The following FAAH2 variants were observed in gnomAD, a reference collection of about 807,000 sequenced individuals.
The protein encoded by FAAH2 is fatty-acid amide hydrolase 2.
In FAAH2, 60 loss-of-function variants were observed where a neutral mutation model predicts 36.9. That is an observed-to-expected ratio of 1.63 (90% CI 1.32 to 2.02). FAAH2 has a LOEUF of 2.02. Ranked by LOEUF, FAAH2 falls within the 30% of genes most tolerant of loss-of-function variation. FAAH2 has a pLI of 0.00. For synonymous variants in FAAH2, 214 were observed against 143.8 expected, an observed-to-expected ratio of 1.49 and a Z score of -3.49; for missense variants, 689 against 397.5, an observed-to-expected ratio of 1.73 and a Z score of -6.23.
At chrX:57,135,915 A>T in the FAAH2 span, 1 of 1,210,102 alleles carries the variant, frequency 8.3e-7, no homozygotes, top group Non-Finnish European at 1.1e-6. Context: ...TTGGTGAATG[A>T]CCATGCCGAT....
the FAAH2 span, among the ~76,000 whole-genome samples, chrX:57,187,675 C>A: frequency 9.0e-6 from 1 of 111,123 alleles, no homozygotes; most frequent in South Asian, 3.8e-4. Flanking sequence ...CAGGTTTTGT[C>A]CCTTCAGTGT....
intron 7 of FAAH2, among the ~76,000 whole-genome samples, chrX:57,421,462 G>A (rs2056024640): frequency 9.0e-6 from 1 of 111,654 alleles, no homozygotes; most frequent in South Asian, 3.8e-4. Context: ...CATAGTTTTA[G>A]AGGGTAGGAA....
intron 5 of FAAH2, among the ~76,000 whole-genome samples, chrX:57,367,233 G>A (rs2054440526): frequency 8.9e-6 from 1 of 112,280 alleles, no homozygotes; most frequent in Admixed American, 9.4e-5. Flanking sequence ...GTTAACTTAG[G>A]ATCTGTCAGA....
chrX:57,292,846 C>A lies in FAAH2; in HGVS notation c.275+266C>A, dbSNP rs904704935. ...GTTTTTGCATATCCAACATCCAGAA[C>A]AAGGTCTACAGTTTGGTAGGCATCA... On this transcript the variant is annotated intron_variant, in intron 2 of 10. Coordinates refer to ENST00000374900, the MANE Select transcript of FAAH2 (RefSeq NM_174912.4). Among the ~76,000 whole-genome samples the A allele has an allele frequency of 6.3e-5, 7 of 111,827 alleles. No homozygotes were observed. In the East Asian group the frequency reaches 2.0e-3, roughly 31 times the overall value.
chrX:57,328,694 T>C (rs2053300888), intron 3 of FAAH2, among the ~76,000 whole-genome samples: 1 of 112,068 alleles, frequency 8.9e-6, no homozygotes, highest in Admixed American at 9.5e-5. Context: ...GGGTCTGTTG[T>C]TTCTTCAACA....
chrX:57,158,016 AGG>A, the FAAH2 span, among the ~76,000 whole-genome samples: 69 of 110,163 alleles, frequency 6.3e-4, no homozygotes, highest in East Asian at 4.9e-3. Context: ...ACCCCACAAC[AGG>A]CCCCGGTGTG....
At chrX:57,395,356 C>T (rs913729643) in intron 7 of FAAH2, 9 of 688,549 alleles carry the variant, frequency 1.3e-5, no homozygotes, top group African/African-American at 1.1e-4. Flanking sequence ...TCTTCAGTCT[C>T]GCCCTTATTT....
the FAAH2 span, among the ~76,000 whole-genome samples, chrX:57,228,730 T>C: frequency 8.9e-6 from 1 of 111,954 alleles, no homozygotes; most frequent in African/African-American, 3.2e-5. Context: ...TCGTCCAGCT[T>C]TCCTGTCTGA....
chrX:57,121,655 GC>G, the FAAH2 span: 1 of 112,439 alleles, frequency 8.9e-6, no homozygotes, highest in African/African-American at 3.2e-5. Context: ...ACAGCCTGTA[GC>G]CCCGGCGGAG....
intron 10 of FAAH2, among the ~76,000 whole-genome samples, chrX:57,479,676 A>T (rs953146590): frequency 1.8e-5 from 2 of 111,363 alleles, no homozygotes; most frequent in Non-Finnish European, 3.8e-5. Context: ...TACCTAATTT[A>T]TTGAGAGTTT....
chrX:57,280,652 A>G, the FAAH2 span, among the ~76,000 whole-genome samples: 5 of 95,866 alleles, frequency 5.2e-5, no homozygotes, highest in Non-Finnish European at 9.7e-5. Context: ...GGAAGCTTCA[A>G]AAAAAAAAAA....
At chrX:57,395,053 C>T in intron 7 of FAAH2, 1 of 555,667 alleles carries the variant, frequency 1.8e-6, no homozygotes, top group Non-Finnish European at 3.3e-6. Context: ...CATCCACATC[C>T]TTTTCAGGTG....
chrX:57,414,401 GT>G (rs1386041397), intron 7 of FAAH2, among the ~76,000 whole-genome samples: 1 of 111,869 alleles, frequency 8.9e-6, no homozygotes. Flanking sequence ...TCAATATATA[GT>G]TTATTGAGAG....
chrX:57,141,151 T>A, the FAAH2 span, among the ~76,000 whole-genome samples: 1 of 112,088 alleles, frequency 8.9e-6, no homozygotes, highest in African/African-American at 3.2e-5. Flanking sequence ...CATGAAACGA[T>A]GTTAAATTTC....
intron 7 of FAAH2, among the ~76,000 whole-genome samples, chrX:57,430,023 G>A (rs1034205645): frequency 9.0e-6 from 1 of 111,101 alleles, no homozygotes; most frequent in Admixed American, 9.6e-5. Context: ...AGACACTGGA[G>A]ACTCAAAAGG....
intron 2 of FAAH2, among the ~76,000 whole-genome samples, chrX:57,300,108 T>C (rs1313874616): frequency 2.7e-5 from 3 of 111,414 alleles, no homozygotes; most frequent in Non-Finnish European, 5.7e-5. Flanking sequence ...AAAAACTACT[T>C]TAAAGTTCAT....
chrX:57,305,353 A>G (rs2052491791), intron 2 of FAAH2, among the ~76,000 whole-genome samples: 1 of 96,382 alleles, frequency 1.0e-5, no homozygotes, highest in Non-Finnish European at 1.9e-5. Context: ...GAAAAACTGG[A>G]AAAAAAAATT....
intron 7 of FAAH2, among the ~76,000 whole-genome samples, chrX:57,414,290 G>A (rs1335362185): frequency 8.9e-6 from 1 of 112,066 alleles, no homozygotes; most frequent in Non-Finnish European, 1.9e-5. Flanking sequence ...TCTTGTGCCA[G>A]TTTTCAAATA....
At chrX:57,138,378 A>G in the FAAH2 span, among the ~76,000 whole-genome samples, 1 of 110,945 alleles carries the variant, frequency 9.0e-6, no homozygotes, top group African/African-American at 3.3e-5. Context: ...AAAGTTAAAT[A>G]AGTGTTAGGT....
Sources: allele counts gnomAD v4.1 joint callset (sites outside exome capture counted in the v4.1 genomes callset), GRCh38; gene constraint gnomAD v4.1.1; transcripts MANE v1.5; gene names NCBI Gene and HGNC (gene_info 2026-07-23, HGNC 2026-07-21).